Variants in CNDP1 observed in about 807,000 individuals in gnomAD.
CNDP1 encodes carnosine dipeptidase 1.
A neutral mutation model predicts 58.1 loss-of-function variants in CNDP1; 44 were observed. The ratio of observed to expected loss-of-function variants is 0.76; its 90% CI spans 0.60 to 0.97. The LOEUF (loss-of-function observed/expected upper bound fraction) is 0.97, where lower values mean the gene tolerates loss of function less well. Among genes scored for constraint, CNDP1 ranks in the 50% least tolerant of loss-of-function variants. The pLI is 0.00. For synonymous variants in CNDP1, 254 were observed against 252.6 expected, an observed-to-expected ratio of 1.01 and a Z score of -0.05; for missense variants, 616 against 655.1, an observed-to-expected ratio of 0.94 and a Z score of 0.65.
rs1981208392 is a variant in CNDP1 at position 74,561,883 on chromosome 18, T to C, written c.467-164T>C. 5.1e-6 allele frequency: 3 copies of C among 583,794 alleles called. No individual in the cohort carries two copies. In the Admixed American group the frequency reaches 8.0e-5, roughly 16 times the overall value. 36.2% of individuals were successfully genotyped at this position (583,794 alleles called of 1,614,324 possible). A position where few individuals can be genotyped will look rare whatever the true frequency, so the allele number is the denominator to read the frequency against. On this transcript the variant is annotated intron_variant, in intron 4 of 11. Transcript: ENST00000358821. ...AAGGATCTCTTATGTACAGTCTTAT[T>C]TGTACATAAGAAATCATACTTTGCA...
chr18:74,584,486 CTCT>C lies in CNDP1; in HGVS notation c.1458-5_1458-3del. ...GTAACAAAATTTCTCTTTGTTTTTCCTCTTCTTAGGTGGAACTACATAGAGGGA... is the reference window on the plus strand; with the variant it reads ...GTAACAAAATTTCTCTTTGTTTTTCCTCTTAGGTGGAACTACATAGAGGGA... On this transcript the variant is annotated splice_region_variant and splice_polypyrimidine_tract_variant and intron_variant, in intron 11 of 11. Transcript: ENST00000358821. The C allele has an allele frequency of 6.2e-7, 1 of 1,603,236 alleles. No homozygotes were observed. The highest frequency in any genetic ancestry group is 8.5e-7 in the Non-Finnish European group (1 of 1,171,022).
intron 2 of CNDP1, among the ~76,000 whole-genome samples, chr18:74,556,725 A>T (rs1039226902): frequency 6.6e-6 from 1 of 152,144 alleles, no homozygotes; most frequent in African/African-American, 2.4e-5. Flanking sequence ...CACAGAGATG[A>T]CCAGCACCTC....
chr18:74,556,089 A>G (rs1363263443), intron 1 of CNDP1, among the ~76,000 whole-genome samples: 2 of 152,214 alleles, frequency 1.3e-5, no homozygotes, highest in East Asian at 3.8e-4. Context: ...AAACGGAATG[A>G]TGTTATTTAA....
chr18:74,581,263 T>TGC (rs59175506), intron 10 of CNDP1, among the ~76,000 whole-genome samples: 10 of 137,824 alleles, frequency 7.3e-5, no homozygotes, highest in African/African-American at 2.6e-4. Flanking sequence ...TGTGTGTGTG[T>TGC]AAGCTTGACT....
In CNDP1 at chr18:74,560,861, C is replaced by T. The variant is rs967184234; in HGVS notation, c.309C>T (p.Pro103=). 5.6e-6 allele frequency: 9 copies of T among 1,612,066 alleles called. No individual in the cohort carries two copies. Among genetic ancestry groups the T allele is most frequent in the Non-Finnish European group, 6.8e-6 (8 of 1,178,394 alleles). The change falls in exon 4 of 12, where the codon CCC becomes CCT. Residue 103 remains proline (P), a synonymous_variant. Transcript: ENST00000358821. ...GATTCCTGATCATTCTGCAGCTGCC[C>T]GATGGTCAGAGTCTTCCAATACCTC... ...ASVDMGPQQL[P]DGQSLPIPPV...
chr18:74,534,710 A>G lies in CNDP1; in HGVS notation c.24+19A>G. 2 of 1,613,886 alleles carry G rather than the reference A, an allele frequency of 1.2e-6. No homozygotes were observed. Among genetic ancestry groups the G allele is most frequent in the Non-Finnish European group, 1.7e-6 (2 of 1,179,786 alleles). ...GAGAATGGTGAGTAGGACCTCCTCC[A>G]TCAGAGTCCGTGCATTGGGTGCCAG... is the stretch of plus-strand genomic sequence containing the variant. On this transcript the variant is annotated intron_variant, in intron 1 of 11. Coordinates refer to ENST00000358821, the MANE Select transcript of CNDP1 (RefSeq NM_032649.6).
At chr18:74,559,252 C>T in intron 2 of CNDP1, 71 bp from the exon 3 acceptor site, 3 of 1,519,554 alleles carry the variant, frequency 2.0e-6, no homozygotes, top group South Asian at 1.1e-5. Flanking sequence ...TGTCTCCTGC[C>T]CTCCCTTCGC....
chr18:74,564,796 C>T (rs952301538), intron 5 of CNDP1, among the ~76,000 whole-genome samples: 1 of 152,172 alleles, frequency 6.6e-6, no homozygotes, highest in Non-Finnish European at 1.5e-5. Context: ...CCTTCACAAT[C>T]GTAGTTACAA....
chr18:74,541,532 A>G (rs1980624056), intron 1 of CNDP1, among the ~76,000 whole-genome samples: 1 of 152,150 alleles, frequency 6.6e-6, no homozygotes, highest in African/African-American at 2.4e-5. Flanking sequence ...CCACCATCCT[A>G]CTGATCCCAG....
At chr18:74,567,842 G>C (rs1309719202) in intron 6 of CNDP1, among the ~76,000 whole-genome samples, 1 of 152,200 alleles carries the variant, frequency 6.6e-6, no homozygotes, top group Non-Finnish European at 1.5e-5. Flanking sequence ...GGAGACCCCA[G>C]TGCCGTGGTC....
chr18:74,540,990 T>G (rs1411716111), intron 1 of CNDP1, among the ~76,000 whole-genome samples: 1 of 152,260 alleles, frequency 6.6e-6, no homozygotes, highest in Non-Finnish European at 1.5e-5. Context: ...ACGGGTGGTT[T>G]AGCACAGACT....
intron 1 of CNDP1, among the ~76,000 whole-genome samples, chr18:74,554,970 A>T (rs112069754): frequency 4.6e-5 from 7 of 152,128 alleles, no homozygotes; most frequent in African/African-American, 1.7e-4. Context: ...CACACCCATG[A>T]TGAGCGTCCT....
rs1436623652 is a variant in CNDP1 at position 74,586,706 on chromosome 18, A to T, written c.*2144A>T. 1 of 152,042 alleles carries T rather than the reference A, an allele frequency of 6.6e-6. No individual in the cohort carries two copies. The highest frequency in any genetic ancestry group is 1.5e-5 in the Non-Finnish European group (1 of 68,016). The allele number at this position is 152,042 out of a possible 1,614,324, so 9.4% of individuals were successfully genotyped here. A position where few individuals can be genotyped will look rare whatever the true frequency, so the allele number is the denominator to read the frequency against. On this transcript the variant is annotated 3_prime_UTR_variant, in exon 12 of 12. Coordinates refer to ENST00000358821, the MANE Select transcript of CNDP1 (RefSeq NM_032649.6). ...AGTTCAGAGTCCATGTTTTTCTGTC[A>T]CCCAGGGTCACGACTGGTCTCCCCA...
chr18:74,566,055 T>C (rs1981320195), intron 5 of CNDP1, among the ~76,000 whole-genome samples: 1 of 152,254 alleles, frequency 6.6e-6, no homozygotes, highest in Non-Finnish European at 1.5e-5. Flanking sequence ...CTGCCAGGGC[T>C]TGGGGCTTCC....
intron 1 of CNDP1, among the ~76,000 whole-genome samples, chr18:74,553,505 A>G (rs556804005): frequency 6.6e-6 from 1 of 152,274 alleles, no homozygotes; most frequent in Admixed American, 6.5e-5. Context: ...AGCACTATTT[A>G]TTGAAAAGAC....
chr18:74,544,963 G>A (rs1980721934), intron 1 of CNDP1, among the ~76,000 whole-genome samples: 1 of 152,100 alleles, frequency 6.6e-6, no homozygotes, highest in Non-Finnish European at 1.5e-5. Context: ...GACACAGAAA[G>A]AGGCTGGCTG....
chr18:74,554,968 T>C (rs1980998741), intron 1 of CNDP1, among the ~76,000 whole-genome samples: 1 of 151,976 alleles, frequency 6.6e-6, no homozygotes, highest in African/African-American at 2.4e-5. Context: ...GCCACACCCA[T>C]GATGAGCGTC....
rs561965396 is a variant in CNDP1, at chr18:74,561,334, A to G, written c.466+316A>G. ...GGGAGACCAAGGCAGAATTGCTTGA[A>G]CCTGGGAGGCGGAGGTTGCAGTGAG... On this transcript the variant is annotated intron_variant, in intron 4 of 11. Coordinates refer to ENST00000358821, the MANE Select transcript of CNDP1 (RefSeq NM_032649.6). 4.6e-4 allele frequency: 98 copies of G among 213,196 alleles called. 1 individual carries two copies. Among genetic ancestry groups the G allele is most frequent in the African/African-American group, 2.1e-3 (93 of 44,608 alleles). The allele number at this position is 213,196 out of a possible 1,614,324, so 13.2% of individuals were successfully genotyped here.
At chr18:74,552,364 C>T (rs1388660010) in intron 1 of CNDP1, among the ~76,000 whole-genome samples, 1 of 152,174 alleles carries the variant, frequency 6.6e-6, no homozygotes, top group Non-Finnish European at 1.5e-5. Flanking sequence ...CAGAATTGTA[C>T]AACCATTGCC....
Sources: gnomAD v4.1 joint callset for allele counts (sites outside exome capture counted in the v4.1 genomes callset) on GRCh38, gnomAD v4.1.1 for gene constraint, MANE v1.5 for transcripts, NCBI Gene and HGNC (gene_info 2026-07-23, HGNC 2026-07-21) for gene names.